NECAB1: variants seen among roughly 807,000 people sequenced by gnomAD.
NECAB1 encodes N-terminal EF-hand calcium binding protein 1.
A neutral mutation model predicts 57.5 loss-of-function variants in NECAB1; 29 were observed. That is an observed-to-expected ratio of 0.50 (90% confidence interval 0.38 to 0.69). The LOEUF is 0.69. NECAB1 is among the 30% of genes least tolerant of loss of function. The pLI, the probability that NECAB1 is intolerant of heterozygous loss-of-function variation, is 0.00. For synonymous variants in NECAB1, 142 were observed against 147.7 expected, an observed-to-expected ratio of 0.96 and a Z score of 0.28; for missense variants, 372 against 413.8, an observed-to-expected ratio of 0.90 and a Z score of 0.88.
At chr8:90,856,619 A>G (rs1812799711) in intron 3 of NECAB1, among the ~76,000 whole-genome samples, 1 of 152,204 alleles carries the variant, frequency 6.6e-6, no homozygotes. Flanking sequence ...TCCACTCATG[A>G]ATTTTATTTG....
Position 90,884,458 on chromosome 8 carries a change from T to C in NECAB1, c.357+3328T>C, listed in dbSNP as rs570993853. On this transcript the variant is annotated intron_variant, in intron 5 of 12. Coordinates refer to ENST00000417640, the MANE Select transcript of NECAB1 (RefSeq NM_022351.5). ...AAATAGCAATAGGACACAGAATTTCTATTTGGGACAAACATCATTACTATA... is the reference window on the plus strand; with the variant it reads ...AAATAGCAATAGGACACAGAATTTCCATTTGGGACAAACATCATTACTATA... Among the ~76,000 whole-genome samples, 27 of 152,330 alleles carry C rather than the reference T, an allele frequency of 1.8e-4. No individual in the cohort carries two copies. The East Asian group carries it at 5.2e-3, about 29-fold the overall frequency.
At chr8:90,906,889 A>ATGTATATATATATATATATATATATG (rs1370948313) in intron 5 of NECAB1, among the ~76,000 whole-genome samples, 1 of 72,856 alleles carries the variant, frequency 1.4e-5, no homozygotes, top group African/African-American at 5.7e-5. Flanking sequence ...ATATATATAT[A>ATGTATATATATATATATATATATATG]TATATATATA....
At chr8:90,832,120 A>C (rs1812306953) in intron 3 of NECAB1, among the ~76,000 whole-genome samples, 1 of 152,132 alleles carries the variant, frequency 6.6e-6, no homozygotes. Flanking sequence ...TTTCACTTCA[A>C]CAATTACTGA....
chr8:90,951,412 T>C (rs1424042334), intron 12 of NECAB1, among the ~76,000 whole-genome samples: 1 of 152,158 alleles, frequency 6.6e-6, no homozygotes. Context: ...CCTATTTGTA[T>C]TCCCAGCTAT....
At chr8:90,938,971 C>G (rs1461952430) in intron 9 of NECAB1, among the ~76,000 whole-genome samples, 1 of 152,144 alleles carries the variant, frequency 6.6e-6, no homozygotes, top group Admixed American at 6.5e-5. Context: ...TGAGCTTTCT[C>G]GTATGTCTAG....
intron 6 of NECAB1, among the ~76,000 whole-genome samples, chr8:90,924,452 A>G (rs1810208237): frequency 6.6e-6 from 1 of 152,126 alleles, no homozygotes; most frequent in South Asian, 2.1e-4. Context: ...AGATAATGAA[A>G]ATTTTTGGAT....
intron 3 of NECAB1, among the ~76,000 whole-genome samples, chr8:90,865,964 T>A (rs967524579): frequency 2.7e-4 from 41 of 152,248 alleles, no homozygotes; most frequent in Admixed American, 2.6e-4. Flanking sequence ...TAGTGTTTCC[T>A]ACAGTCTTTA....
Position 90,951,173 on chromosome 8 carries a change from T to A in NECAB1, c.999T>A (p.Thr333=). ...FQRSNVDFLE[T]PELTSTMLVP... is the part of the protein sequence containing the mutation. ...GAAGTAATGTGGATTTCTTGGAAAC[T>A]CCAGAACTCACATCTACAATGCTAG... The change falls in exon 12 of 13, where the codon ACT becomes ACA. Residue 333 remains threonine (T), a synonymous_variant. Transcript: ENST00000417640. 2.5e-6 allele frequency: 4 copies of A among 1,603,300 alleles called. No individual in the cohort carries two copies. The highest frequency in any genetic ancestry group is 3.4e-6 in the Non-Finnish European group (4 of 1,173,940).
intron 5 of NECAB1, among the ~76,000 whole-genome samples, chr8:90,886,315 A>G (rs10808633): frequency 0.54 from 81,577 of 151,722 alleles, 25,936 homozygotes; most frequent in African/African-American, 0.87. Flanking sequence ...ATAGGTAACT[A>G]TACTATTTCT....
intron 3 of NECAB1, among the ~76,000 whole-genome samples, chr8:90,832,875 T>G (rs772785961): frequency 1.3e-5 from 2 of 152,176 alleles, no homozygotes; most frequent in Non-Finnish European, 2.9e-5. Context: ...AATTTCATGT[T>G]TTTTGCTTTA....
chr8:90,900,198 G>A (rs1003781219), intron 5 of NECAB1, among the ~76,000 whole-genome samples: 8 of 152,114 alleles, frequency 5.3e-5, no homozygotes, highest in Non-Finnish European at 1.2e-4. Flanking sequence ...ATACCAATAT[G>A]GGATGATTCA....
At chr8:90,831,980 G>A (rs1812304723) in intron 3 of NECAB1, among the ~76,000 whole-genome samples, 2 of 152,122 alleles carry the variant, frequency 1.3e-5, no homozygotes. Flanking sequence ...GCTGAAAATT[G>A]AAGTCTTACA....
chr8:90,907,091 A>G (rs1302276292), intron 5 of NECAB1, among the ~76,000 whole-genome samples: 1 of 144,118 alleles, frequency 6.9e-6, no homozygotes, highest in African/African-American at 2.6e-5. Flanking sequence ...TGAAAATTTG[A>G]GGGTCTTTAC....
intron 10 of NECAB1, among the ~76,000 whole-genome samples, chr8:90,943,758 T>C (rs1279139479): frequency 6.6e-6 from 1 of 152,136 alleles, no homozygotes; most frequent in Non-Finnish European, 1.5e-5. Flanking sequence ...TTGCACCTAT[T>C]TTCTTATTTT....
intron 2 of NECAB1, among the ~76,000 whole-genome samples, chr8:90,808,231 AG>A (rs1371492535): frequency 6.6e-6 from 1 of 152,116 alleles, no homozygotes; most frequent in African/African-American, 2.4e-5. Context: ...CAGATCCTGG[AG>A]GGCACACAGC....
chr8:90,889,053 A>G (rs1031736913), intron 5 of NECAB1, among the ~76,000 whole-genome samples: 4 of 152,184 alleles, frequency 2.6e-5, no homozygotes, highest in African/African-American at 9.7e-5. Flanking sequence ...TTGTACATGC[A>G]GGTTTCAGAA....
intron 2 of NECAB1, among the ~76,000 whole-genome samples, chr8:90,816,480 T>C (rs1812062998): frequency 6.6e-6 from 1 of 151,902 alleles, no homozygotes; most frequent in African/African-American, 2.4e-5. Context: ...TAATATCCAT[T>C]TGAAGTTAAT....
rs1020644517 is a variant in NECAB1 at position 90,813,573 on chromosome 8, C to T, written c.125-11144C>T. 2.0e-5 allele frequency among the ~76,000 whole-genome samples: 3 copies of T among 152,108 alleles called. No individual in the cohort carries two copies. The East Asian group carries it at 5.8e-4, about 29-fold the overall frequency. On this transcript the variant is annotated intron_variant, in intron 2 of 12. Coordinates refer to ENST00000417640, the MANE Select transcript of NECAB1 (RefSeq NM_022351.5). ...ACAAGATCTCACTCTGTCACCCAGG[C>T]TGGAGTGCAAGTGGCGTAATCATAG...
At position 90,800,802 on chromosome 8, in the gene NECAB1, G is replaced by A. The variant is rs1034078604; in HGVS notation, c.100-889G>A. On this transcript the variant is annotated intron_variant, in intron 1 of 12. Transcript: ENST00000417640. ...CACTGGCCCTAATGTGCTCATCCCT[G>A]AGCAGTCACCGTGACCAGAGGGATA... 2.6e-5 allele frequency among the ~76,000 whole-genome samples: 4 copies of A among 152,074 alleles called. No homozygotes were observed. In the East Asian group the frequency reaches 7.7e-4, roughly 29 times the overall value.
Sources: gnomAD v4.1 joint callset for allele counts (sites outside exome capture counted in the v4.1 genomes callset) on GRCh38, gnomAD v4.1.1 for gene constraint, MANE v1.5 for transcripts, NCBI Gene and HGNC (gene_info 2026-07-23, HGNC 2026-07-21) for gene names.